NALF1: variants seen among roughly 807,000 people sequenced by gnomAD.
The protein encoded by NALF1 is NALCN channel auxiliary factor 1.
Under a neutral mutation model 48.4 loss-of-function variants are expected in NALF1, and 3 were observed. That is an observed-to-expected ratio of 0.06 (90% CI 0.03 to 0.16). The LOEUF is 0.16. Among genes scored for constraint, NALF1 ranks in the 10% least tolerant of loss-of-function variants. NALF1 has a pLI of 1.00. For missense variants in NALF1, 526 were observed against 571.5 expected (o/e 0.92, Z 0.81); for synonymous variants, 262 against 245.7 (o/e 1.07, Z -0.62).
At chr13:107,593,652 T>C (rs1004683235) in intron 1 of NALF1, among the ~76,000 whole-genome samples, 6 of 151,972 alleles carry the variant, frequency 3.9e-5, no homozygotes, top group African/African-American at 1.2e-4. Flanking sequence ...AGTCAAACGA[T>C]GTGTTTGGGG....
At chr13:107,587,878 A>G (rs572280010) in intron 1 of NALF1, among the ~76,000 whole-genome samples, 2 of 152,232 alleles carry the variant, frequency 1.3e-5, no homozygotes, top group African/African-American at 4.8e-5. Flanking sequence ...TAGACTGTAA[A>G]CCACACATGG....
chr13:107,655,139 T>C (rs1434716302), intron 1 of NALF1, among the ~76,000 whole-genome samples: 1 of 151,954 alleles, frequency 6.6e-6, no homozygotes, highest in Non-Finnish European at 1.5e-5. Flanking sequence ...GTACTGGAAG[T>C]CCTAGCCAGA....
intron 1 of NALF1, among the ~76,000 whole-genome samples, chr13:107,476,200 C>A (rs1377415949): frequency 2.0e-5 from 3 of 152,258 alleles, no homozygotes; most frequent in African/African-American, 4.8e-5. Context: ...AGGCAGCCGA[C>A]TTCTTAAGTC....
At chr13:107,663,540 G>A (rs748660796) in intron 1 of NALF1, among the ~76,000 whole-genome samples, 3 of 152,124 alleles carry the variant, frequency 2.0e-5, no homozygotes, top group Non-Finnish European at 4.4e-5. Context: ...CATGTGTTTT[G>A]TTTTGTTGTC....
intron 1 of NALF1, among the ~76,000 whole-genome samples, chr13:107,673,507 T>C (rs976075004): frequency 2.6e-5 from 4 of 152,130 alleles, no homozygotes; most frequent in Admixed American, 6.5e-5. Flanking sequence ...TGAGCTCAGA[T>C]CATAGCGTTT....
intron 1 of NALF1, among the ~76,000 whole-genome samples, chr13:107,724,702 C>T (rs190911581): frequency 2.6e-5 from 4 of 152,252 alleles, no homozygotes; most frequent in Admixed American, 2.6e-4. Flanking sequence ...GCTGGGACTA[C>T]AGACATGCAC....
intron 1 of NALF1, among the ~76,000 whole-genome samples, chr13:107,459,221 A>G (rs1312817410): frequency 5.3e-5 from 8 of 152,196 alleles, no homozygotes; most frequent in Non-Finnish European, 1.0e-4. Context: ...CCAGGAAAAG[A>G]AAACAACGAA....
In NALF1 at chr13:107,166,168, C is replaced by G. The variant is rs1250517795; in HGVS notation, c.*4329G>C. On this transcript the variant is annotated 3_prime_UTR_variant, in exon 3 of 3. Transcript: ENST00000375915. ...GGTGTGGTATCTCACGCCTGTAATC[C>G]CAACACTTTGGGAGGCCTAATCGGC... The G allele has an allele frequency of 2.0e-5, 3 of 152,242 alleles. No individual in the cohort carries two copies. The highest frequency in any genetic ancestry group is 4.4e-5 in the Non-Finnish European group (3 of 68,058). 9.4% of individuals were successfully genotyped at this position (152,242 alleles called of 1,614,324 possible).
intron 1 of NALF1, among the ~76,000 whole-genome samples, chr13:107,279,195 C>T (rs998799521): frequency 1.3e-5 from 2 of 152,014 alleles, no homozygotes; most frequent in African/African-American, 2.4e-5. Flanking sequence ...TCTGTACTTC[C>T]CCTGGACATG....
chr13:107,720,510 C>CAAA (rs56380251), intron 1 of NALF1, among the ~76,000 whole-genome samples: 30,619 of 59,846 alleles, frequency 0.51, 10,439 homozygotes, highest in Non-Finnish European at 0.58. Context: ...GACTGCATCT[C>CAAA]AAAAAAAAAA....
At position 107,211,821 on chromosome 13, in the gene NALF1, G is replaced by C. The variant is rs1265127782; in HGVS notation, c.916-1066C>G. On this transcript the variant is annotated intron_variant, in intron 1 of 2. Coordinates refer to ENST00000375915, the MANE Select transcript of NALF1 (RefSeq NM_001080396.3). The stretch of plus-strand genomic sequence containing the variant: ...CTAATAATAACAAGAATAATAGCTG[G>C]TATTTATCAACTTTATACTCTTTTC... Among the ~76,000 whole-genome samples the C allele has an allele frequency of 2.0e-5, 3 of 152,190 alleles. No individual in the cohort carries two copies. In the East Asian group the frequency reaches 5.8e-4, roughly 29 times the overall value.
At chr13:107,528,292 G>T (rs1236315035) in intron 1 of NALF1, among the ~76,000 whole-genome samples, 2 of 151,944 alleles carry the variant, frequency 1.3e-5, no homozygotes, top group Admixed American at 6.6e-5. Flanking sequence ...CATAATAAAC[G>T]TTATGTCATA....
intron 1 of NALF1, among the ~76,000 whole-genome samples, chr13:107,273,584 G>T (rs897123695): frequency 1.3e-5 from 2 of 152,160 alleles, no homozygotes; most frequent in South Asian, 2.1e-4. Context: ...ACAAAAAGCT[G>T]TCCTAGAAGA....
At chr13:107,209,759 C>T (rs1344797575) in intron 2 of NALF1, among the ~76,000 whole-genome samples, 2 of 152,070 alleles carry the variant, frequency 1.3e-5, no homozygotes, top group Non-Finnish European at 2.9e-5. Flanking sequence ...CACTTGAAAA[C>T]AAAACGTGCT....
At position 107,686,674 on chromosome 13, in the gene NALF1, A is replaced by G. The variant is rs557064837; in HGVS notation, c.915+179008T>C. Among the ~76,000 whole-genome samples, 122 of 152,358 alleles carry G rather than the reference A, an allele frequency of 8.0e-4. 1 individual carries two copies. The highest frequency in any genetic ancestry group is 2.6e-3 in the African/African-American group (110 of 41,596). ...ACAGGTACTTCTCCAAAGAAGACAT[A>G]CAACGGCCCACAATCGTGACAAAAT... On this transcript the variant is annotated intron_variant, in intron 1 of 2. Transcript: ENST00000375915.
chr13:107,481,221 T>C (rs147189497), intron 1 of NALF1, among the ~76,000 whole-genome samples: 41 of 152,302 alleles, frequency 2.7e-4, no homozygotes, highest in African/African-American at 8.4e-4. Flanking sequence ...TCTATCATAA[T>C]GTCATTGAGA....
chr13:107,666,242 C>CG (rs1418916217), intron 1 of NALF1, among the ~76,000 whole-genome samples: 19 of 152,200 alleles, frequency 1.2e-4, no homozygotes. Context: ...AGAAAGTCAT[C>CG]AGGCAAAATG....
chr13:107,325,887 T>TATACATACAC (rs752320518), intron 1 of NALF1, among the ~76,000 whole-genome samples: 1 of 58,878 alleles, frequency 1.7e-5, no homozygotes, highest in Non-Finnish European at 3.5e-5. Context: ...TATATATATA[T>TATACATACAC]ACACACACAC....
At chr13:107,549,059 T>C (rs959233845) in intron 1 of NALF1, among the ~76,000 whole-genome samples, 1 of 152,164 alleles carries the variant, frequency 6.6e-6, no homozygotes, top group African/African-American at 2.4e-5. Context: ...GGACCTAAGA[T>C]GATTTTTACA....
Sources: gnomAD v4.1 joint callset for allele counts (sites outside exome capture counted in the v4.1 genomes callset) on GRCh38, gnomAD v4.1.1 for gene constraint, MANE v1.5 for transcripts, NCBI Gene and HGNC (gene_info 2026-07-23, HGNC 2026-07-21) for gene names.